Variants in TPTE2 observed in about 807,000 individuals in gnomAD.
TPTE2 encodes the protein phosphatidylinositol 3,4,5-trisphosphate 3-phosphatase TPTE2.
Under a neutral mutation model 78.6 loss-of-function variants are expected in TPTE2, and 53 were observed. The observed-to-expected ratio is 0.67, with a 90% CI of 0.54 to 0.85. The LOEUF is 0.85. TPTE2 is among the 40% of genes least tolerant of loss of function. The probability of loss-of-function intolerance (pLI) is 0.00; values close to 1 mark genes in which losing one functional copy is unlikely to be tolerated. For synonymous variants in TPTE2, 175 were observed against 206.2 expected (o/e 0.85, Z 1.30); for missense variants, 461 against 623.0 (o/e 0.74, Z 2.77).
chr13:19,551,540 CAT>C, the TPTE2 span, among the ~76,000 whole-genome samples: 4 of 152,082 alleles, frequency 2.6e-5, no homozygotes, highest in Non-Finnish European at 5.9e-5. Flanking sequence ...GAGCCGAGAT[CAT>C]GCCACTGCAC....
chr13:19,425,145 C>G (rs2137452989), intron 18 of TPTE2, 128 bp from the exon 22 acceptor site: 1 of 507,300 alleles, frequency 2.0e-6, no homozygotes, highest in Non-Finnish European at 3.4e-6. Flanking sequence ...AGGTAGCACT[C>G]TGCAATCTAT....
At chr13:19,484,564 T>C (rs560715747) in intron 3 of TPTE2, among the ~76,000 whole-genome samples, 2 of 152,344 alleles carry the variant, frequency 1.3e-5, no homozygotes, top group South Asian at 4.1e-4. Flanking sequence ...GAGTGGGATA[T>C]GGAAGTGCCC....
chr13:19,451,025 C>G, intron 11 of TPTE2, 140 bp downstream of exon 14: 1 of 1,051,566 alleles, frequency 9.5e-7, no homozygotes, highest in Non-Finnish European at 1.4e-6. Flanking sequence ...GGGGCCAGTC[C>G]AAGATGGGGA....
At chr13:19,498,505 A>AG (rs1160251599) in intron 1 of TPTE2, among the ~76,000 whole-genome samples, 2 of 152,044 alleles carry the variant, frequency 1.3e-5, no homozygotes, top group Non-Finnish European at 2.9e-5. Flanking sequence ...AACATTCTTA[A>AG]AGAAAAGAAT....
Position 19,438,277 on chromosome 13 carries a change from C to T in TPTE2, c.974-124G>A, listed in dbSNP as rs191213127. On this transcript the variant is annotated intron_variant, in intron 13 of 19. Coordinates refer to ENST00000400230, the Ensembl canonical transcript of TPTE2. ...TTTGAGACAGGGTCTTGCTGTGTCA[C>T]GCAGGCTGGAGTGCAGTGGCACAAT... 5.1e-6 allele frequency: 7 copies of T among 1,370,926 alleles called. No individual in the cohort carries two copies. The East Asian group carries it at 1.7e-4, about 34-fold the overall frequency. The allele number at this position is 1,370,926 out of a possible 1,614,324, so 84.9% of individuals were successfully genotyped here.
upstream of TPTE2, among the ~76,000 whole-genome samples, chr13:19,507,514 C>T (rs1285851572): frequency 6.6e-6 from 1 of 152,088 alleles, no homozygotes; most frequent in Non-Finnish European, 1.5e-5. Context: ...CTCCAAAGTC[C>T]AGGTTACAAA....
At chr13:19,485,194 T>C (rs1566060451) in intron 3 of TPTE2, among the ~76,000 whole-genome samples, 1 of 152,208 alleles carries the variant, frequency 6.6e-6, no homozygotes, top group Non-Finnish European at 1.5e-5. Flanking sequence ...ATCATCTTTT[T>C]ACTTCCAGAT....
rs375541190 is a variant in TPTE2, at chr13:19,509,599, GA to G, written c.-43-6323del. On this transcript the variant is annotated intron_variant, in intron 1 of 17. Transcript: ENST00000390680. ...AGAAATAGAATACTCAAGTAACAAAGAAATCAACCTAGTATTTAAAGGCTTT... is the reference window on the plus strand; with the variant it reads ...AGAAATAGAATACTCAAGTAACAAAGAATCAACCTAGTATTTAAAGGCTTT... Among the ~76,000 whole-genome samples, 380 of 152,204 alleles carry G rather than the reference GA, an allele frequency of 2.5e-3. 1 individual carries two copies. The highest frequency in any genetic ancestry group is 8.8e-3 in the African/African-American group (365 of 41,540).
chr13:19,454,635 T>C (rs1357006243), intron 10 of TPTE2, among the ~76,000 whole-genome samples: 2 of 152,186 alleles, frequency 1.3e-5, no homozygotes, highest in South Asian at 2.1e-4. Context: ...TGATTAAAAA[T>C]GGTTAAGGAA....
intron 12 of TPTE2, 24 bp downstream of exon 15, chr13:19,450,239 T>C (rs1224984649): frequency 6.2e-7 from 1 of 1,610,934 alleles, no homozygotes; most frequent in Admixed American, 1.7e-5. Context: ...CCTCTTCTGA[T>C]AGTCAATTTA....
At chr13:19,499,372 AT>A (rs1881609503) in intron 1 of TPTE2, among the ~76,000 whole-genome samples, 1 of 151,874 alleles carries the variant, frequency 6.6e-6, no homozygotes, top group Non-Finnish European at 1.5e-5. Flanking sequence ...CACCACACCT[AT>A]TCCAAAATTG....
Position 19,528,179 on chromosome 13 carries a change from C to T in TPTE2, c.-44+8417G>A, listed in dbSNP as rs141664001. Among the ~76,000 whole-genome samples, 275 of 151,652 alleles carry T rather than the reference C, an allele frequency of 1.8e-3. 1 individual carries two copies. The highest frequency in any genetic ancestry group is 6.0e-3 in the African/African-American group (249 of 41,326). Reference sequence around the variant, plus strand: ...GGTGGATTACCTGAGGTCAGGAGTTCGAGACCAGCCTATCCTATGTGGTGA... The same window carrying T: ...GGTGGATTACCTGAGGTCAGGAGTTTGAGACCAGCCTATCCTATGTGGTGA... On this transcript the variant is annotated intron_variant, in intron 1 of 17. Coordinates refer to the TPTE2 transcript ENST00000390680.
chr13:19,450,035 T>A (rs753227738), intron 13 of TPTE2, 41 bp downstream of exon 16: 17 of 1,604,330 alleles, frequency 1.1e-5, no homozygotes, highest in Non-Finnish European at 1.4e-5. Context: ...TATATTTACA[T>A]GTCTTTAGAA....
chr13:19,560,638 G>A, the TPTE2 span: 25 of 1,567,732 alleles, frequency 1.6e-5, no homozygotes, highest in Admixed American at 1.2e-4. Context: ...ATCAGGGCCA[G>A]CAGGGTCGGG....
At chr13:19,475,184 CATATATATGT>C (rs1879858527) in intron 5 of TPTE2, among the ~76,000 whole-genome samples, 2 of 151,542 alleles carry the variant, frequency 1.3e-5, no homozygotes, top group South Asian at 4.2e-4. Flanking sequence ...TATTAAGTCT[CATATATATGT>C]ATGTATAGAT....
chr13:19,528,564 A>G lies in TPTE2; in HGVS notation c.-44+8032T>C, dbSNP rs1483865565. 1.1e-4 allele frequency among the ~76,000 whole-genome samples: 16 copies of G among 152,204 alleles called. No homozygotes were observed. In the East Asian group the frequency reaches 2.7e-3, roughly 26 times the overall value. On this transcript the variant is annotated intron_variant, in intron 1 of 17. Transcript: ENST00000390680. ...GCCATGAACACATCCTTATAACATA[A>G]CAGGTATAGACAAGACTGTTTAAAT...
chr13:19,494,673 TGCTCAGATTACAG>T (rs1018954005), intron 1 of TPTE2, among the ~76,000 whole-genome samples: 9 of 152,170 alleles, frequency 5.9e-5, no homozygotes, highest in African/African-American at 2.2e-4. Flanking sequence ...CCTTCCAAAG[TGCTCAGATTACAG>T]GTGTGAACCA....
At chr13:19,516,869 C>A (rs2137709374) in intron 1 of TPTE2, among the ~76,000 whole-genome samples, 1 of 152,310 alleles carries the variant, frequency 6.6e-6, no homozygotes, top group Middle Eastern at 3.4e-3. Context: ...TAAATTTTTT[C>A]TATTTCTACT....
chr13:19,531,705 T>C (rs1417282684), intron 1 of TPTE2, among the ~76,000 whole-genome samples: 2 of 151,632 alleles, frequency 1.3e-5, no homozygotes, highest in East Asian at 3.9e-4. Context: ...GGCAGACAGA[T>C]CACCTGAGGT....
Sources: allele counts gnomAD v4.1 joint callset (sites outside exome capture counted in the v4.1 genomes callset), GRCh38; gene constraint gnomAD v4.1.1; transcripts MANE v1.5; gene names NCBI Gene and HGNC (gene_info 2026-07-23, HGNC 2026-07-21).